The following TAOK3 variants were observed in gnomAD, a reference collection of about 807,000 sequenced individuals.
TAOK3 encodes TAO kinase 3, also known as serine/threonine-protein kinase TAO3.
In TAOK3, 40 loss-of-function variants were observed where a neutral mutation model predicts 120.4. The observed-to-expected ratio is 0.33, with a 90% CI of 0.26 to 0.43. The LOEUF (loss-of-function observed/expected upper bound fraction) is 0.43, where lower values mean the gene tolerates loss of function less well. Ranked by LOEUF, TAOK3 falls within the 20% of genes least tolerant of loss-of-function variation. The probability of loss-of-function intolerance (pLI) is 1.00; values close to 1 mark genes in which losing one functional copy is unlikely to be tolerated. For missense variants in TAOK3, 821 were observed against 1,112.1 expected (o/e 0.74, Z 3.72); for synonymous variants, 355 against 387.5 (o/e 0.92, Z 0.99).
chr12:118,210,733 CTTTTTTCTTTTT>C (rs1369053538), intron 11 of TAOK3, among the ~76,000 whole-genome samples: 1 of 148,066 alleles, frequency 6.8e-6, no homozygotes, highest in Admixed American at 6.7e-5. Flanking sequence ...TATTTCTTTT[CTTTTTTCTTTTT>C]TTTTTTTTTT....
At chr12:118,321,405 T>C in intron 1 of TAOK3, among the ~76,000 whole-genome samples, 1 of 152,118 alleles carries the variant, frequency 6.6e-6, no homozygotes, top group East Asian at 1.9e-4. Flanking sequence ...GGGCTACTGG[T>C]GCACGCCACC....
chr12:118,371,689 G>T lies in TAOK3; in HGVS notation c.-194+959C>A, dbSNP rs1357160206. 6.6e-6 allele frequency among the ~76,000 whole-genome samples: 1 copy of T among 152,072 alleles called. No individual in the cohort carries two copies. Among genetic ancestry groups the T allele is most frequent in the African/African-American group, 2.4e-5 (1 of 41,432 alleles). On this transcript the variant is annotated intron_variant, in intron 1 of 20. Transcript: ENST00000392533. This position sits in a 1 kb window ranked among gnomAD's most constrained non-coding sequence, Gnocchi z 5.5. The stretch of plus-strand genomic sequence containing the variant: ...GGCTCCCCGCCGCAGCCGTTCTTGG[G>T]GGGGCTCCCGCAACTCAGCGGGCGC...
intron 10 of TAOK3, 23 bp downstream of exon 10, chr12:118,213,994 T>G: frequency 6.3e-7 from 1 of 1,583,694 alleles, no homozygotes; most frequent in Non-Finnish European, 8.7e-7. Context: ...TCTTAGAGAT[T>G]TAAAATGATA....
At chr12:118,153,927 G>C (rs1337852740) in intron 19 of TAOK3, among the ~76,000 whole-genome samples, 1 of 152,132 alleles carries the variant, frequency 6.6e-6, no homozygotes. Flanking sequence ...ATATTTCCAA[G>C]GTACCTTCTA....
chr12:118,234,043 C>T (rs1016513839), intron 8 of TAOK3, among the ~76,000 whole-genome samples: 2 of 151,960 alleles, frequency 1.3e-5, no homozygotes, highest in African/African-American at 4.8e-5. Context: ...ACATCAGTTT[C>T]TTCATCTGTA....
chr12:118,231,239 G>A (rs1009026202), intron 9 of TAOK3, among the ~76,000 whole-genome samples: 1 of 152,082 alleles, frequency 6.6e-6, no homozygotes, highest in Non-Finnish European at 1.5e-5. Flanking sequence ...GGTGGTGTAG[G>A]AACTGTGTAG....
At chr12:118,292,275 T>C (rs561730497) in intron 1 of TAOK3, among the ~76,000 whole-genome samples, 10 of 152,344 alleles carry the variant, frequency 6.6e-5, no homozygotes, top group Admixed American at 3.3e-4. Context: ...TTCAGTCTTT[T>C]ATTAGAATTT....
intron 1 of TAOK3, among the ~76,000 whole-genome samples, chr12:118,290,563 C>G (rs1416808099): frequency 6.6e-6 from 1 of 152,088 alleles, no homozygotes; most frequent in South Asian, 2.1e-4. Flanking sequence ...GGACCATAAG[C>G]TGCTTAAGGT....
chr12:118,334,219 G>A (rs566892404), intron 1 of TAOK3, among the ~76,000 whole-genome samples: 40 of 150,598 alleles, frequency 2.7e-4, no homozygotes, highest in Non-Finnish European at 4.7e-4. Flanking sequence ...TTAATCTAAT[G>A]TCCATCAATG....
At chr12:118,153,137 T>C (rs2034568603) in intron 19 of TAOK3, among the ~76,000 whole-genome samples, 3 of 152,194 alleles carry the variant, frequency 2.0e-5, no homozygotes, top group South Asian at 4.1e-4. Flanking sequence ...CCCTGGCTGG[T>C]GGCTCACCTC....
rs376021787 is a variant in TAOK3 at position 118,339,785 on chromosome 12, C to T, written c.-194+32863G>A. 2.9e-3 allele frequency among the ~76,000 whole-genome samples: 441 copies of T among 151,996 alleles called. 1 individual carries two copies. Among genetic ancestry groups the T allele is most frequent in the African/African-American group, 0.01 (420 of 41,504 alleles). ...CATGTTGGCCAGGATAGTCCCGCCT[C>T]GGCTTCCCAAAGCGCTGGGATTACA... is the stretch of plus-strand genomic sequence containing the variant. On this transcript the variant is annotated intron_variant, in intron 1 of 20. Coordinates refer to ENST00000392533, the MANE Select transcript of TAOK3 (RefSeq NM_016281.4).
At chr12:118,363,735 T>C (rs1051403821) in intron 1 of TAOK3, among the ~76,000 whole-genome samples, 2 of 149,868 alleles carry the variant, frequency 1.3e-5, no homozygotes, top group Non-Finnish European at 2.9e-5. Flanking sequence ...GCAGTGTGTG[T>C]GTGTGTGTGT....
intron 17 of TAOK3, among the ~76,000 whole-genome samples, chr12:118,167,311 A>G (rs1425603343): frequency 6.6e-6 from 1 of 152,132 alleles, no homozygotes; most frequent in Non-Finnish European, 1.5e-5. Context: ...TCCTTTAGAG[A>G]GCAATTTAGT....
Position 118,175,488 on chromosome 12 carries a change from A to G in TAOK3, c.1695+1713T>C, listed in dbSNP as rs561177581. On this transcript the variant is annotated intron_variant, in intron 16 of 20. Coordinates refer to ENST00000392533, the MANE Select transcript of TAOK3 (RefSeq NM_016281.4). ...TAAAAATACAAAAAATTAGCTGGGC[A>G]TGGTGGTGCACGCCTGTAATCTCGG... Among the ~76,000 whole-genome samples, 553 of 152,202 alleles carry G rather than the reference A, an allele frequency of 3.6e-3. 1 individual carries two copies. The highest frequency in any genetic ancestry group is 0.012 in the African/African-American group (508 of 41,526).
At chr12:118,353,401 G>A (rs947071211) in intron 1 of TAOK3, among the ~76,000 whole-genome samples, 6 of 152,050 alleles carry the variant, frequency 3.9e-5, no homozygotes, top group Admixed American at 3.9e-4. Context: ...TTGAGAGACC[G>A]ACTTCAATAG....
chr12:118,333,530 G>T (rs1245739688), intron 1 of TAOK3, among the ~76,000 whole-genome samples: 1 of 152,142 alleles, frequency 6.6e-6, no homozygotes, highest in Non-Finnish European at 1.5e-5. Flanking sequence ...CATTAGGAGA[G>T]AGAAATGGCC....
intron 15 of TAOK3, among the ~76,000 whole-genome samples, chr12:118,178,092 G>A (rs958105198): frequency 2.0e-5 from 3 of 151,970 alleles, no homozygotes; most frequent in African/African-American, 7.3e-5. Flanking sequence ...GACCACAGGC[G>A]TGCAGCACCA....
intron 1 of TAOK3, among the ~76,000 whole-genome samples, chr12:118,283,269 A>G (rs1245008422): frequency 6.6e-6 from 1 of 152,226 alleles, no homozygotes; most frequent in Admixed American, 6.5e-5. Flanking sequence ...AAATATGTAT[A>G]CAGATATGTG....
chr12:118,288,190 T>G (rs926518602), intron 1 of TAOK3, among the ~76,000 whole-genome samples: 1 of 152,014 alleles, frequency 6.6e-6, no homozygotes, highest in Non-Finnish European at 1.5e-5. Context: ...AACTTCAAAA[T>G]TATAATGTAT....
Sources: allele counts gnomAD v4.1 joint callset (sites outside exome capture counted in the v4.1 genomes callset), GRCh38; gene constraint gnomAD v4.1.1; non-coding constraint Gnocchi (gnomAD v3.1); transcripts MANE v1.5; gene names NCBI Gene and HGNC (gene_info 2026-07-23, HGNC 2026-07-21).